ARHGEF4: variants seen among roughly 807,000 people sequenced by gnomAD.
ARHGEF4 encodes APC-stimulated guanine nucleotide exchange factor 1.
Under a neutral mutation model 162.0 loss-of-function variants are expected in ARHGEF4, and 119 were observed. The ratio of observed to expected loss-of-function variants is 0.73; its 90% CI spans 0.63 to 0.86. The LOEUF (loss-of-function observed/expected upper bound fraction) is 0.86, where lower values mean the gene tolerates loss of function less well. ARHGEF4 is among the 40% of genes least tolerant of loss of function. The probability of loss-of-function intolerance (pLI) is 0.00; values close to 1 mark genes in which losing one functional copy is unlikely to be tolerated. For missense variants in ARHGEF4, 2,488 were observed against 2,456.0 expected, an observed-to-expected ratio of 1.01 and a Z score of -0.28; for synonymous variants, 1,014 against 979.9, an observed-to-expected ratio of 1.03 and a Z score of -0.65.
Position 130,917,513 on chromosome 2 carries a change from C to T in ARHGEF4, c.3552+15C>T, listed in dbSNP as rs775179206. On this transcript the variant is annotated intron_variant, in intron 2 of 13. Transcript: ENST00000409359. The stretch of plus-strand genomic sequence containing the variant: ...CTGGGAGTGAGGTGAGTATCTGAAT[C>T]GCACCAAGCCTTTCCTGACCTCTGC... The T allele has an allele frequency of 1.2e-5, 18 of 1,539,580 alleles. No homozygotes were observed. The Admixed American group carries it at 1.4e-4, about 12-fold the overall frequency.
chr2:130,853,657 C>T (rs75816546), intron 1 of ARHGEF4, among the ~76,000 whole-genome samples: 62 of 152,302 alleles, frequency 4.1e-4, no homozygotes, highest in Non-Finnish European at 7.6e-4. Flanking sequence ...CAACGTCTCC[C>T]GTTGTCTTTG....
Position 131,002,741 on chromosome 2 carries a change from A to C in ARHGEF4, c.3986-25204A>C, listed in dbSNP as rs946353176. ...AAAAAAAAAAAAAAAAAAAAAAAAA[A>C]GGGTTGTGGGGGCTGGGGGTGAAGG... On this transcript the variant is annotated intron_variant, in intron 4 of 13. Coordinates refer to ENST00000409359, the MANE Select transcript of ARHGEF4 (RefSeq NM_001367493.1). 1.4e-3 allele frequency among the ~76,000 whole-genome samples: 170 copies of C among 120,694 alleles called. 1 individual carries two copies. The highest frequency in any genetic ancestry group is 4.9e-3 in the African/African-American group (160 of 32,452). The allele number at this position is 120,694 out of a possible 152,430, so 79.2% of individuals were successfully genotyped here.
chr2:131,035,337 C>T, intron 5 of ARHGEF4: 2 of 1,141,152 alleles, frequency 1.8e-6, no homozygotes, highest in Non-Finnish European at 1.1e-6. Flanking sequence ...CCGCGGCCTC[C>T]GCACTGGTCG....
At chr2:130,843,531 A>T (rs1362115327) in intron 1 of ARHGEF4, among the ~76,000 whole-genome samples, 1 of 152,082 alleles carries the variant, frequency 6.6e-6, no homozygotes, top group Non-Finnish European at 1.5e-5. Flanking sequence ...GTTGCTGCTC[A>T]GAGGCACCAG....
chr2:130,934,339 TC>T (rs1281621200), intron 3 of ARHGEF4, among the ~76,000 whole-genome samples: 2 of 152,218 alleles, frequency 1.3e-5, no homozygotes, highest in Non-Finnish European at 2.9e-5. Context: ...TGCTCTCTCC[TC>T]TTCTATTTTT....
intron 5 of ARHGEF4, among the ~76,000 whole-genome samples, chr2:131,037,424 G>T (rs1690381543): frequency 6.6e-6 from 1 of 152,170 alleles, no homozygotes; most frequent in Admixed American, 6.5e-5. Context: ...TTTCCATGTT[G>T]AGGTGAGGAT....
intron 1 of ARHGEF4, among the ~76,000 whole-genome samples, chr2:130,849,577 T>TC (rs1302033709): frequency 6.6e-6 from 1 of 151,806 alleles, no homozygotes; most frequent in East Asian, 1.9e-4. Flanking sequence ...ACTTTTTTTT[T>TC]TTTTTTTCTG....
intron 1 of ARHGEF4, among the ~76,000 whole-genome samples, chr2:130,870,313 C>T (rs1487422578): frequency 3.3e-5 from 5 of 152,104 alleles, no homozygotes; most frequent in Non-Finnish European, 7.4e-5. Context: ...CTGGATGTCA[C>T]GAGTGGGATG....
At chr2:131,029,760 G>A (rs985136482) in intron 5 of ARHGEF4, among the ~76,000 whole-genome samples, 2 of 151,964 alleles carry the variant, frequency 1.3e-5, no homozygotes, top group African/African-American at 2.4e-5. Flanking sequence ...CACCATGTTC[G>A]CCAGGCTAGT....
intron 1 of ARHGEF4, among the ~76,000 whole-genome samples, chr2:130,890,942 A>G (rs1310660904): frequency 6.6e-6 from 1 of 152,086 alleles, no homozygotes; most frequent in African/African-American, 2.4e-5. Context: ...CTTTTCTACC[A>G]TCTTCCTTCA....
In ARHGEF4 at chr2:130,931,276, G is replaced by T; in HGVS notation, c.3858+19G>T. ...AGTCAAGGTAAGCCACTCCCGGCCAGGAGTCCTCAGACTTGGTCTGGTATC... is the reference window on the plus strand; with the variant it reads ...AGTCAAGGTAAGCCACTCCCGGCCATGAGTCCTCAGACTTGGTCTGGTATC... On this transcript the variant is annotated intron_variant, in intron 3 of 13. Coordinates refer to ENST00000409359, the MANE Select transcript of ARHGEF4 (RefSeq NM_001367493.1). 1 of 1,578,426 alleles carries T rather than the reference G, an allele frequency of 6.3e-7. No homozygotes were observed. The highest frequency in any genetic ancestry group is 2.3e-5 in the East Asian group (1 of 43,756).
At chr2:130,877,746 A>T (rs931693424) in intron 1 of ARHGEF4, among the ~76,000 whole-genome samples, 15 of 152,186 alleles carry the variant, frequency 9.9e-5, no homozygotes, top group African/African-American at 3.6e-4. Flanking sequence ...CAACCAACCA[A>T]ACCTTGGAAC....
chr2:130,955,786 T>C (rs891216497), intron 4 of ARHGEF4, among the ~76,000 whole-genome samples: 2 of 152,230 alleles, frequency 1.3e-5, no homozygotes, highest in Non-Finnish European at 2.9e-5. Context: ...AGCTACCTTA[T>C]TCTCTGTTCT....
At chr2:130,839,172 C>G (rs1273205222) in intron 1 of ARHGEF4, among the ~76,000 whole-genome samples, 1 of 152,110 alleles carries the variant, frequency 6.6e-6, no homozygotes, top group African/African-American at 2.4e-5. Context: ...TGCCGAGCCA[C>G]CGACAACGTA....
At chr2:131,005,791 G>A (rs1413806255) in intron 4 of ARHGEF4, among the ~76,000 whole-genome samples, 5 of 152,282 alleles carry the variant, frequency 3.3e-5, no homozygotes, top group East Asian at 1.9e-4. Context: ...GCAGCTTCCC[G>A]GCAAAAGGTC....
chr2:130,998,975 T>C (rs1455844328), intron 4 of ARHGEF4, among the ~76,000 whole-genome samples: 2 of 152,140 alleles, frequency 1.3e-5, no homozygotes, highest in Admixed American at 6.5e-5. Context: ...TCATCAGCAA[T>C]TGGGGTTGTC....
intron 1 of ARHGEF4, among the ~76,000 whole-genome samples, chr2:130,886,669 A>C (rs1679546655): frequency 6.8e-6 from 1 of 147,872 alleles, no homozygotes; most frequent in South Asian, 2.2e-4. Flanking sequence ...TGGCAGACCG[A>C]GACTCTGTCT....
At chr2:130,868,774 C>T (rs913400837) in intron 1 of ARHGEF4, among the ~76,000 whole-genome samples, 2 of 152,156 alleles carry the variant, frequency 1.3e-5, no homozygotes, top group African/African-American at 2.4e-5. Context: ...GCTGAAGGAC[C>T]GAAGCCCAAA....
intron 4 of ARHGEF4, chr2:130,964,204 G>C: frequency 1.0e-6 from 1 of 985,320 alleles, no homozygotes; most frequent in Non-Finnish European, 1.2e-6. Flanking sequence ...GCGCGGCGCC[G>C]TGTCCCGCTC....
Sources: allele counts gnomAD v4.1 joint callset (sites outside exome capture counted in the v4.1 genomes callset), GRCh38; gene constraint gnomAD v4.1.1; transcripts MANE v1.5; gene names NCBI Gene and HGNC (gene_info 2026-07-23, HGNC 2026-07-21).